The following SYNE1 variants were observed in gnomAD, a reference collection of about 807,000 sequenced individuals.
SYNE1 encodes the protein nesprin-1.
Under a neutral mutation model 1,111.0 loss-of-function variants are expected in SYNE1, and 616 were observed. That is an observed-to-expected ratio of 0.55 (90% CI 0.52 to 0.59). The LOEUF is 0.59. SYNE1 is among the 20% of genes least tolerant of loss of function. SYNE1 has a pLI of 0.00. For missense variants in SYNE1, 10,006 were observed against 10,417.0 expected (o/e 0.96, Z 1.72); for synonymous variants, 3,855 against 3,825.8 (o/e 1.01, Z -0.28).
At chr6:152,218,431 T>C in intron 120 of SYNE1, 28 bp from the exon 121 acceptor site, 1 of 1,559,168 alleles carries the variant, frequency 6.4e-7, no homozygotes, top group South Asian at 1.1e-5. Context: ...AAATTGGTAT[T>C]TCAGTTAAAA....
At chr6:152,417,207 C>T (rs1174263409) in intron 40 of SYNE1, among the ~76,000 whole-genome samples, 192 bp from the exon 41 acceptor site, 2 of 152,122 alleles carry the variant, frequency 1.3e-5, no homozygotes, top group South Asian at 2.1e-4. Flanking sequence ...TTAAATAAAA[C>T]ACAACTCTGG....
intron 3 of SYNE1, among the ~76,000 whole-genome samples, chr6:152,582,864 G>A (rs1226925639): frequency 3.3e-5 from 5 of 151,956 alleles, no homozygotes; most frequent in African/African-American, 9.7e-5. Flanking sequence ...GCTGAAATCT[G>A]TAATTCTACA....
At chr6:152,179,673 CTTTTTTTTTTTTTTTTTTTTT>C (rs796260764) in intron 129 of SYNE1, among the ~76,000 whole-genome samples, 2 of 55,070 alleles carry the variant, frequency 3.6e-5, no homozygotes, top group African/African-American at 1.6e-4. Flanking sequence ...GCTGGATATC[CTTTTTTTTTTTTTTTTTTTTT>C]TTTTTTTTTG....
Position 152,359,375 on chromosome 6 carries a change from G to A in SYNE1, c.10383C>T (p.Val3461=), listed in dbSNP as rs2096893588. The A allele has an allele frequency of 6.2e-7, 1 of 1,614,146 alleles. No individual in the cohort carries two copies. Among genetic ancestry groups the A allele is most frequent in the Admixed American group, 1.7e-5 (1 of 60,028 alleles). Residue 3461 remains valine, a synonymous_variant, in exon 65 of 146, where the codon GTC becomes GTT. Coordinates refer to ENST00000367255, the MANE Select transcript of SYNE1 (RefSeq NM_182961.4). ...VKGAGMTEHY[V]TQLELQDLQE... is the part of the protein sequence containing the mutation. ...GTAGATCCTGGAGTTCTAGCTGGGT[G>A]ACATAGTGTTCTGTCATGCCAGCCC...
At chr6:152,539,858 G>C (rs995778767) in intron 4 of SYNE1, 102 bp downstream of exon 4, 1 of 1,263,050 alleles carries the variant, frequency 7.9e-7, no homozygotes, top group Non-Finnish European at 1.2e-6. Context: ...TCATTGATTC[G>C]CAACAGTGAC....
intron 95 of SYNE1, among the ~76,000 whole-genome samples, chr6:152,289,527 A>G (rs2094480438): frequency 6.6e-6 from 1 of 152,148 alleles, no homozygotes; most frequent in Non-Finnish European, 1.5e-5. Context: ...AGTAGCTGGG[A>G]CTACAGGTGT....
rs2090049444 is a variant in SYNE1 at position 152,253,817 on chromosome 6, GGTTTTTTTTTTTTTTT to G, written c.19470+1047_19470+1062del. Among the ~76,000 whole-genome samples, 11 of 59,156 alleles carry G rather than the reference GGTTTTTTTTTTTTTTT, an allele frequency of 1.9e-4. 1 individual carries two copies. The highest frequency in any genetic ancestry group is 7.2e-4 in the East Asian group (1 of 1,380). The allele number at this position is 59,156 out of a possible 152,430, so 38.8% of individuals were successfully genotyped here. On this transcript the variant is annotated intron_variant, in intron 104 of 145. Coordinates refer to ENST00000367255, the MANE Select transcript of SYNE1 (RefSeq NM_182961.4). Reference sequence around the variant, plus strand: ...ATGCTACATTTATGTGTAGTGGTTTGGTTTTTTTTTTTTTTTTTTTTTTTTTTTTTTTTTTTTTTTT... The same window carrying G: ...ATGCTACATTTATGTGTAGTGGTTTGTTTTTTTTTTTTTTTTTTTTTTTTT...
chr6:152,423,507 T>C (rs1289820046), intron 39 of SYNE1, among the ~76,000 whole-genome samples: 1 of 152,212 alleles, frequency 6.6e-6, no homozygotes, highest in South Asian at 2.1e-4. Flanking sequence ...GCTCTCATCC[T>C]GGTCTAAACC....
At chr6:152,202,819 T>C (rs1164220475) in intron 126 of SYNE1, among the ~76,000 whole-genome samples, 1 of 152,192 alleles carries the variant, frequency 6.6e-6, no homozygotes, top group African/African-American at 2.4e-5. Context: ...AAGAGAAATA[T>C]GCACTACAAA....
chr6:152,295,209 T>C (rs558106726), intron 93 of SYNE1, among the ~76,000 whole-genome samples: 20 of 152,320 alleles, frequency 1.3e-4, no homozygotes, highest in South Asian at 2.1e-4. Flanking sequence ...TTGGGTGGGA[T>C]TGAGGATTAT....
At chr6:152,140,433 T>C (rs1324251647) in intron 139 of SYNE1, among the ~76,000 whole-genome samples, 1 of 152,194 alleles carries the variant, frequency 6.6e-6, no homozygotes, top group South Asian at 2.1e-4. Context: ...TAAGCAGTCA[T>C]GAGCACGAAC....
In SYNE1 at chr6:152,382,189, G is replaced by A. The variant is rs1029820324; in HGVS notation, c.8653-827C>T. On this transcript the variant is annotated intron_variant, in intron 55 of 145. Coordinates refer to ENST00000367255, the MANE Select transcript of SYNE1 (RefSeq NM_182961.4). ...ATTTTTCTTGGTGAAATAATCATCCGATGTTTATATATTTACATATCTATT... is the reference window on the plus strand; with the variant it reads ...ATTTTTCTTGGTGAAATAATCATCCAATGTTTATATATTTACATATCTATT... 6.6e-5 allele frequency among the ~76,000 whole-genome samples: 10 copies of A among 152,000 alleles called. No individual in the cohort carries two copies. The South Asian group carries it at 1.2e-3, about 19-fold the overall frequency.
At chr6:152,538,976 T>A (rs2099257023) in intron 4 of SYNE1, among the ~76,000 whole-genome samples, 1 of 152,140 alleles carries the variant, frequency 6.6e-6, no homozygotes, top group African/African-American at 2.4e-5. Context: ...AAGTAAGCAG[T>A]GAATCTGTAG....
At chr6:152,464,920 T>C in intron 18 of SYNE1, 1 of 371,378 alleles carries the variant, frequency 2.7e-6, no homozygotes, top group Non-Finnish European at 5.1e-6. Flanking sequence ...TAGTATGTGT[T>C]TCAGCACTAC....
chr6:152,329,278 C>T (rs1281405240), intron 78 of SYNE1, among the ~76,000 whole-genome samples: 1 of 152,192 alleles, frequency 6.6e-6, no homozygotes. Context: ...ATAATTCCAG[C>T]ACTTTGGGAG....
intron 3 of SYNE1, among the ~76,000 whole-genome samples, chr6:152,562,786 G>A (rs1473921528): frequency 6.6e-6 from 1 of 151,986 alleles, no homozygotes. Flanking sequence ...TTGTATCCCA[G>A]GACTTAAAGT....
chr6:152,469,376 T>C (rs1281435280), intron 16 of SYNE1, among the ~76,000 whole-genome samples: 1 of 152,006 alleles, frequency 6.6e-6, no homozygotes, highest in Non-Finnish European at 1.5e-5. Flanking sequence ...GACTAAGCCT[T>C]CTAGAAATTA....
At chr6:152,210,295 C>T (rs896211986) in intron 124 of SYNE1, among the ~76,000 whole-genome samples, 1 of 151,986 alleles carries the variant, frequency 6.6e-6, no homozygotes, top group Admixed American at 6.6e-5. Context: ...TAGATGCTGG[C>T]TTGCATGTGA....
intron 3 of SYNE1, among the ~76,000 whole-genome samples, chr6:152,567,123 C>T (rs865887167): frequency 6.6e-6 from 1 of 151,900 alleles, no homozygotes; most frequent in Admixed American, 6.6e-5. Context: ...TGTTTCTATG[C>T]ATTTGCCTTT....
Sources: gnomAD v4.1 joint callset for allele counts (sites outside exome capture counted in the v4.1 genomes callset) on GRCh38, gnomAD v4.1.1 for gene constraint, MANE v1.5 for transcripts, NCBI Gene and HGNC (gene_info 2026-07-23, HGNC 2026-07-21) for gene names.